Variants in PKHD1 observed in about 807,000 individuals in gnomAD.
The protein encoded by PKHD1 is fibrocystin.
PKHD1 carries 291 observed loss-of-function variants against 412.0 expected under a neutral mutation model. The observed-to-expected ratio is 0.71, with a 90% confidence interval of 0.64 to 0.78. The LOEUF (loss-of-function observed/expected upper bound fraction) is 0.78, where lower values mean the gene tolerates loss of function less well. Ranked by LOEUF, PKHD1 falls within the 30% of genes least tolerant of loss-of-function variation. The pLI is 0.00. For synonymous variants in PKHD1, 1,777 were observed against 1,821.5 expected, an observed-to-expected ratio of 0.98 and a Z score of 0.62; for missense variants, 4,825 against 4,950.7, an observed-to-expected ratio of 0.97 and a Z score of 0.76.
intron 52 of PKHD1, among the ~76,000 whole-genome samples, chr6:51,812,164 T>A (rs1362411243): frequency 6.6e-6 from 1 of 152,182 alleles, no homozygotes; most frequent in Non-Finnish European, 1.5e-5. Context: ...ACTTATCCTC[T>A]AAGCTAGGGT....
chr6:51,931,901 GA>G (rs559513519), intron 37 of PKHD1, among the ~76,000 whole-genome samples: 11 of 150,302 alleles, frequency 7.3e-5, no homozygotes, highest in Non-Finnish European at 1.5e-4. Context: ...GAGAGAGAGA[GA>G]GGAGGGAGAA....
rs536309922 is a variant in PKHD1, at chr6:51,762,229, G to A, written c.8643-7291C>T. On this transcript the variant is annotated intron_variant, in intron 55 of 66. Coordinates refer to ENST00000371117, the MANE Select transcript of PKHD1 (RefSeq NM_138694.4). ...AAAATATAAGTCAGGCTCTGTCCAT[G>A]TCTCGTTTAAAATCTTCCAATGGCC... is the stretch of plus-strand genomic sequence containing the variant. 5.2e-4 allele frequency among the ~76,000 whole-genome samples: 79 copies of A among 152,174 alleles called. 1 individual carries two copies. In the South Asian group the frequency reaches 0.016, roughly 30 times the overall value.
intron 37 of PKHD1, among the ~76,000 whole-genome samples, chr6:51,917,758 T>A (rs1784057720): frequency 6.6e-6 from 1 of 152,192 alleles, no homozygotes; most frequent in African/African-American, 2.4e-5. Context: ...AGGCACCTAG[T>A]GACTGTCCCT....
intron 60 of PKHD1, among the ~76,000 whole-genome samples, chr6:51,670,743 G>A (rs886295822): frequency 5.9e-5 from 9 of 151,846 alleles, no homozygotes; most frequent in African/African-American, 2.2e-4. Context: ...GGCAGGCCTG[G>A]TGGTAACAAA....
At chr6:51,833,857 T>C (rs1026091680) in intron 51 of PKHD1, among the ~76,000 whole-genome samples, 34 of 151,228 alleles carry the variant, frequency 2.2e-4, no homozygotes, top group Non-Finnish European at 4.7e-4. Context: ...CCACAGCCTT[T>C]GATCTGTCTT....
At chr6:51,727,665 T>C (rs1782744474) in intron 60 of PKHD1, among the ~76,000 whole-genome samples, 1 of 152,200 alleles carries the variant, frequency 6.6e-6, no homozygotes, top group Admixed American at 6.5e-5. Flanking sequence ...TGCATGCCCA[T>C]CTGAGGCTTT....
intron 55 of PKHD1, among the ~76,000 whole-genome samples, chr6:51,767,922 C>A (rs1240564523): frequency 6.6e-6 from 1 of 152,124 alleles, no homozygotes; most frequent in African/African-American, 2.4e-5. Flanking sequence ...AACTAGTTTA[C>A]AGTCCCACCA....
At chr6:51,724,903 T>C (rs1289076461) in intron 60 of PKHD1, among the ~76,000 whole-genome samples, 1 of 151,806 alleles carries the variant, frequency 6.6e-6, no homozygotes, top group Non-Finnish European at 1.5e-5. Flanking sequence ...CAGCAAGGGG[T>C]GAACTAGATA....
chr6:52,073,663 A>G, intron 6 of PKHD1, 122 bp from the exon 7 acceptor site: 1 of 697,328 alleles, frequency 1.4e-6, no homozygotes, highest in Non-Finnish European at 2.6e-6. Context: ...GGCCCAGAAA[A>G]TTAATACTTT....
intron 60 of PKHD1, among the ~76,000 whole-genome samples, chr6:51,679,537 A>T (rs931799287): frequency 2.0e-5 from 3 of 151,946 alleles, no homozygotes; most frequent in Admixed American, 2.0e-4. Flanking sequence ...TCTGAGATAA[A>T]GATCTGCACT....
At chr6:51,686,551 A>G (rs1055640510) in intron 60 of PKHD1, among the ~76,000 whole-genome samples, 1 of 152,128 alleles carries the variant, frequency 6.6e-6, no homozygotes, top group African/African-American at 2.4e-5. Flanking sequence ...TTTGCTTTCT[A>G]TGATGCTCTA....
At chr6:51,654,864 T>C (rs952247699) in intron 61 of PKHD1, among the ~76,000 whole-genome samples, 1 of 152,132 alleles carries the variant, frequency 6.6e-6, no homozygotes, top group African/African-American at 2.4e-5. Context: ...CAGTCTACAT[T>C]ATTTCCCATT....
At chr6:51,814,461 T>C (rs1050115603) in intron 52 of PKHD1, among the ~76,000 whole-genome samples, 1 of 152,172 alleles carries the variant, frequency 6.6e-6, no homozygotes, top group African/African-American at 2.4e-5. Flanking sequence ...CAAAAACAGG[T>C]GCATCCACAC....
In PKHD1 at chr6:51,937,800, G is replaced by A. The variant is rs529331901; in HGVS notation, c.5909-3478C>T. Among the ~76,000 whole-genome samples the A allele has an allele frequency of 1.0e-3, 159 of 152,210 alleles. 1 individual carries two copies. The highest frequency in any genetic ancestry group is 3.8e-3 in the African/African-American group (157 of 41,528). On this transcript the variant is annotated intron_variant, in intron 36 of 66. Transcript: ENST00000371117. Reference sequence around the variant, plus strand: ...TTGAAATAGTTCTTATAGATCCCTGGTCTGGAGTCTGACACCTATTCAACC... The same window carrying A: ...TTGAAATAGTTCTTATAGATCCCTGATCTGGAGTCTGACACCTATTCAACC...
At chr6:51,639,468 A>C (rs886987771) in intron 63 of PKHD1, among the ~76,000 whole-genome samples, 1 of 152,118 alleles carries the variant, frequency 6.6e-6, no homozygotes, top group Non-Finnish European at 1.5e-5. Flanking sequence ...TTTATGTGGT[A>C]CCAGAATTAG....
At chr6:51,770,155 G>A (rs1208853102) in intron 55 of PKHD1, among the ~76,000 whole-genome samples, 1 of 151,644 alleles carries the variant, frequency 6.6e-6, no homozygotes, top group East Asian at 1.9e-4. Context: ...GGAACTGAAA[G>A]AGATAAATAC....
At chr6:51,731,174 T>G (rs1783191982) in intron 60 of PKHD1, among the ~76,000 whole-genome samples, 1 of 151,788 alleles carries the variant, frequency 6.6e-6, no homozygotes, top group Non-Finnish European at 1.5e-5. Context: ...ACTTGAAGAC[T>G]AGGAACACAG....
chr6:52,025,156 CTGACAGGTAG>C lies in PKHD1; in HGVS notation c.4644_4653del (p.His1548GlnfsTer41), dbSNP rs1562163197. 2 of 1,614,154 alleles carry C rather than the reference CTGACAGGTAG, an allele frequency of 1.2e-6. No homozygotes were observed. The highest frequency in any genetic ancestry group is 1.7e-6 in the Non-Finnish European group (2 of 1,180,014). ...GCATACCCATTTCTTGTATAAAAAA[CTGACAGGTAG>C]TGGGGTCCTGGGGCCAAGTCTCTTG... On this transcript the variant is annotated frameshift_variant, in exon 32 of 67. Transcript: ENST00000371117. LOFTEE classifies it high-confidence loss of function.
intron 55 of PKHD1, among the ~76,000 whole-genome samples, chr6:51,758,978 G>A (rs1480237976): frequency 2.0e-5 from 3 of 152,110 alleles, no homozygotes; most frequent in Admixed American, 6.6e-5. Context: ...TTTGACCACA[G>A]GCTCAGAGTG....
Sources: allele counts gnomAD v4.1 joint callset (sites outside exome capture counted in the v4.1 genomes callset), GRCh38; gene constraint gnomAD v4.1.1; transcripts MANE v1.5; gene names NCBI Gene and HGNC (gene_info 2026-07-23, HGNC 2026-07-21).